The following ABCA9 variants were observed in gnomAD, a reference collection of about 807,000 sequenced individuals.
ABCA9 encodes ATP-binding cassette sub-family A member 9.
Under a neutral mutation model 205.3 loss-of-function variants are expected in ABCA9, and 183 were observed. That is an observed-to-expected ratio of 0.89 (90% CI 0.79 to 1.01). ABCA9 has a LOEUF of 1.01. Among genes scored for constraint, ABCA9 ranks in the 50% least tolerant of loss-of-function variants. The probability of loss-of-function intolerance (pLI) is 0.00; values close to 1 mark genes in which losing one functional copy is unlikely to be tolerated. For missense variants in ABCA9, 1,805 were observed against 1,912.4 expected (o/e 0.94, Z 1.05); for synonymous variants, 651 against 683.3 (o/e 0.95, Z 0.74).
chr17:69,055,082 AGAATT>A (rs2072028515), intron 1 of ABCA9, among the ~76,000 whole-genome samples: 1 of 152,226 alleles, frequency 6.6e-6, no homozygotes, highest in African/African-American at 2.4e-5. Flanking sequence ...GACCAAAAAT[AGAATT>A]GAAGACTAGA....
chr17:69,070,929 G>T, the ABCA9 span, among the ~76,000 whole-genome samples: 1 of 152,136 alleles, frequency 6.6e-6, no homozygotes, highest in Non-Finnish European at 1.5e-5. Flanking sequence ...CATTACTGAG[G>T]CTTGAATAGG....
At chr17:69,022,955 C>T (rs925899171) in intron 17 of ABCA9, among the ~76,000 whole-genome samples, 2 of 152,170 alleles carry the variant, frequency 1.3e-5, no homozygotes, top group African/African-American at 4.8e-5. Flanking sequence ...ATTTCTCATC[C>T]ACTTTGGAAT....
intron 20 of ABCA9, 173 bp downstream of exon 20, chr17:69,018,239 TA>T: frequency 1.8e-6 from 1 of 560,302 alleles, no homozygotes. Context: ...AATCTATTTC[TA>T]AAACAAACTC....
chr17:69,017,932 G>A, intron 20 of ABCA9, 143 bp from the exon 21 acceptor site: 2 of 867,030 alleles, frequency 2.3e-6, no homozygotes, highest in Non-Finnish European at 1.8e-6. Context: ...TTGATGTTCT[G>A]GTACAACAAT....
At chr17:69,022,656 C>A (rs2070857522) in intron 17 of ABCA9, among the ~76,000 whole-genome samples, 1 of 152,098 alleles carries the variant, frequency 6.6e-6, no homozygotes, top group Non-Finnish European at 1.5e-5. Flanking sequence ...GCATGGGCCA[C>A]CGCGCCCAGC....
chr17:68,982,674 G>A (rs1312923464), intron 36 of ABCA9, 33 bp from the exon 37 acceptor site: 37 of 1,573,758 alleles, frequency 2.4e-5, no homozygotes, highest in Admixed American at 3.3e-5. Flanking sequence ...CTGAACTCCA[G>A]GTGTCAAGGT....
chr17:69,042,142 T>C (rs1000924015), intron 6 of ABCA9, among the ~76,000 whole-genome samples: 1 of 151,338 alleles, frequency 6.6e-6, no homozygotes, highest in African/African-American at 2.4e-5. Flanking sequence ...ATCTTGCCAT[T>C]AATTGACAAT....
chr17:68,985,098 C>T lies in ABCA9; in HGVS notation c.4239G>A (p.Gln1413=). The T allele has an allele frequency of 1.2e-6, 2 of 1,614,228 alleles. No individual in the cohort carries two copies. The highest frequency in any genetic ancestry group is 1.7e-6 in the Non-Finnish European group (2 of 1,180,036). Residue 1413 remains glutamine, a synonymous_variant, in exon 33 of 39, where the codon CAG becomes CAA. Transcript: ENST00000340001. ...RLVDALKLQD[Q]LKAPVKTLSE... is the part of the protein sequence containing the mutation. ...ACAAGGTCTTCACGGGAGCCTTCAG[C>T]TGGTCCTGCAGCTTGAGCGCATCCA...
At chr17:69,010,496 G>A (rs1225724447) in intron 23 of ABCA9, among the ~76,000 whole-genome samples, 2 of 152,062 alleles carry the variant, frequency 1.3e-5, no homozygotes, top group African/African-American at 4.8e-5. Context: ...AGATAAACAA[G>A]AGACAAATGA....
chr17:68,995,980 T>C lies in ABCA9; in HGVS notation c.3470A>G (p.Asn1157Ser), dbSNP rs779826953. The stretch of plus-strand genomic sequence containing the variant: ...AAATAGCCCTAGAAATCCATATTCA[T>C]TTAGATCAGTAGCAACTATCGAGAA... ...VIFSIVATDL[N>S]EYGFLGLFFG... Residue 1157 changes from asparagine (N) to serine (S), a missense_variant, in exon 26 of 39, where the codon AAT (asparagine) becomes AGT (serine). Physicochemically the swap from Asn to Ser is conservative, Grantham distance 46 (BLOSUM62 1). Transcript: ENST00000340001. 1 of 1,613,750 alleles carries C rather than the reference T, an allele frequency of 6.2e-7. No individual in the cohort carries two copies. The highest frequency in any genetic ancestry group is 1.1e-5 in the South Asian group (1 of 91,078).
At position 69,008,073 on chromosome 17, in the gene ABCA9, G is replaced by T. The variant is rs565411916; in HGVS notation, c.3310C>A (p.Leu1104Met). The T allele has an allele frequency of 7.9e-5, 127 of 1,605,230 alleles. No homozygotes were observed. The highest frequency in any genetic ancestry group is 6.6e-4 in the Middle Eastern group (4 of 6,048). Reference protein sequence around the residue: ...PEEIIFIIQNLLIQILCSIGY... With the variant: ...PEEIIFIIQNMLIQILCSIGY... ...TTGCTGCCACTTACTTGAATTAACA[G>T]GTTTTGAATTATAAATATAATCTCC... The change falls in exon 24 of 39, where the codon CTG becomes ATG. Residue 1104 changes from leucine to methionine, a missense_variant. Leu to Met is a conservative substitution (Grantham distance 15, BLOSUM62 2). Transcript: ENST00000340001.
At chr17:69,054,524 C>T (rs543058175) in intron 1 of ABCA9, among the ~76,000 whole-genome samples, 24 of 139,442 alleles carry the variant, frequency 1.7e-4, no homozygotes, top group Non-Finnish European at 3.0e-4. Flanking sequence ...GAGACCCTCT[C>T]TCAAAAAAAA....
chr17:68,982,442 G>T, intron 37 of ABCA9, 120 bp downstream of exon 37: 1 of 765,830 alleles, frequency 1.3e-6, no homozygotes, highest in Non-Finnish European at 2.2e-6. Flanking sequence ...AGCAGTCTTA[G>T]TAATGTATTA....
intron 10 of ABCA9, among the ~76,000 whole-genome samples, chr17:69,030,551 T>C (rs2071121387): frequency 6.6e-6 from 1 of 152,194 alleles, no homozygotes; most frequent in African/African-American, 2.4e-5. Context: ...ACAATCCAGT[T>C]AAATACAGAA....
Position 69,033,970 on chromosome 17 carries a change from A to G in ABCA9, c.1129-97T>C, listed in dbSNP as rs951211816. ...GCTACAACTGGGTTTGCAAAGATAA[A>G]TAAGATATAATCTTGTCTCTACAGA... On this transcript the variant is annotated intron_variant, in intron 8 of 38. Transcript: ENST00000340001. 8 of 985,432 alleles carry G rather than the reference A, an allele frequency of 8.1e-6. No homozygotes were observed. In the South Asian group the frequency reaches 9.7e-5, roughly 12 times the overall value. 61.0% of individuals were successfully genotyped at this position (985,432 alleles called of 1,614,324 possible).
At chr17:69,046,298 C>T (rs1460851346) in intron 3 of ABCA9, among the ~76,000 whole-genome samples, 3 of 152,126 alleles carry the variant, frequency 2.0e-5, no homozygotes, top group East Asian at 1.9e-4. Flanking sequence ...CCCATATAAG[C>T]GCACCCTCCT....
rs1411368756 is a variant in ABCA9, at chr17:69,032,270, T to C, written c.1283A>G (p.Tyr428Cys). The C allele has an allele frequency of 8.7e-6, 14 of 1,613,066 alleles. No individual in the cohort carries two copies. Among genetic ancestry groups the C allele is most frequent in the Non-Finnish European group, 1.2e-5 (14 of 1,179,466 alleles). ...LYFDKILPAE[Y>C]GHRCSPLFFL... ...AAACAAGGGAGAACATCGATGTCCATATTCAGCTATGTGAGCAGGAGGCAA... is the reference window on the plus strand; with the variant it reads ...AAACAAGGGAGAACATCGATGTCCACATTCAGCTATGTGAGCAGGAGGCAA... Residue 428 changes from tyrosine (Y) to cysteine (C), a missense_variant, in exon 10 of 39, where the codon TAT becomes TGT. Physicochemically the swap from Tyr to Cys is radical, Grantham distance 194 (BLOSUM62 -2). Transcript: ENST00000340001.
intron 9 of ABCA9, chr17:69,033,518 G>T: frequency 2.6e-6 from 1 of 378,932 alleles, no homozygotes. Flanking sequence ...TCTCACAAGT[G>T]TCTCTTTTTA....
intron 25 of ABCA9, among the ~76,000 whole-genome samples, chr17:69,006,143 C>G (rs1246837664): frequency 6.6e-6 from 1 of 152,054 alleles, no homozygotes; most frequent in Admixed American, 6.6e-5. Context: ...TAGTTTCTTT[C>G]AAATGTGAGG....
Sources: allele counts gnomAD v4.1 joint callset (sites outside exome capture counted in the v4.1 genomes callset), GRCh38; gene constraint gnomAD v4.1.1; transcripts MANE v1.5; gene names NCBI Gene and HGNC (gene_info 2026-07-23, HGNC 2026-07-21).